Variants in SULT1A1 observed in about 807,000 individuals in gnomAD.
The protein encoded by SULT1A1 is sulfotransferase 1A1.
Under a neutral mutation model 36.8 loss-of-function variants are expected in SULT1A1, and 35 were observed. That is an observed-to-expected ratio of 0.95 (90% CI 0.73 to 1.26). The LOEUF (loss-of-function observed/expected upper bound fraction) is 1.26, where lower values mean the gene tolerates loss of function less well. SULT1A1 is among the 50% of genes most tolerant of loss of function. The pLI, the probability that SULT1A1 is intolerant of heterozygous loss-of-function variation, is 0.00. For synonymous variants in SULT1A1, 119 were observed against 146.0 expected (o/e 0.82, Z 1.33); for missense variants, 309 against 383.0 (o/e 0.81, Z 1.61).
intron 1 of SULT1A1, chr16:28,609,102 C>G (rs41278148): frequency 1.0e-5 from 15 of 1,436,076 alleles, no homozygotes; most frequent in Admixed American, 2.6e-5. Flanking sequence ...AGGGCCTGGG[C>G]CATGGTGCAG....
In SULT1A1 at chr16:28,605,668, CT is replaced by C; in HGVS notation, c.*152del. The stretch of plus-strand genomic sequence containing the variant: ...TGTTGCCCAGGTTGGTCTCGAACTC[CT>C]GGGCTCAAATGATCCTCCCACCTCA... On this transcript the variant is annotated 3_prime_UTR_variant, in exon 8 of 8. Transcript: ENST00000314752. The C allele has an allele frequency of 7.3e-7, 1 of 1,363,392 alleles. No homozygotes were observed. The highest frequency in any genetic ancestry group is 1.3e-5 in the South Asian group (1 of 79,632). The allele number at this position is 1,363,392 out of a possible 1,614,324, so 84.5% of individuals were successfully genotyped here. A position where few individuals can be genotyped will look rare whatever the true frequency, so the allele number is the denominator to read the frequency against.
In SULT1A1 at chr16:28,606,817, A is replaced by G; in HGVS notation, c.538T>C (p.Trp180Arg). 6.2e-7 allele frequency: 1 copy of G among 1,612,432 alleles called. No individual in the cohort carries two copies. Among genetic ancestry groups the G allele is most frequent in the South Asian group, 1.1e-5 (1 of 91,020 alleles). The change falls in exon 6 of 8, where the codon TGG becomes CGG. Residue 180 changes from tryptophan to arginine, a missense_variant. Trp to Arg is a moderately radical substitution (Grantham distance 101, BLOSUM62 -3). This residue lies in a region of SULT1A1 where 219 missense variants were observed against 215.3 expected (regional missense o/e 1.02). Coordinates refer to ENST00000314752, the MANE Select transcript of SULT1A1 (RefSeq NM_001055.4). ...ACAGGGTGGGTGCGGCTCAGCTCCC[A>G]CCACTCCTGCACGTGCTGGTACCAG... ...GSWYQHVQEW[W>R]ELSRTHPVLY... is the part of the protein sequence containing the mutation.
intron 4 of SULT1A1, 66 bp from the exon 5 acceptor site, chr16:28,607,143 C>G: frequency 6.3e-7 from 1 of 1,598,390 alleles, no homozygotes; most frequent in Non-Finnish European, 8.5e-7. Context: ...CAGCTCATCT[C>G]TTGGATTGGC....
At chr16:28,623,373 C>A (rs1316667457) in exon 1 of SULT1A1, 1 of 1,480,522 alleles carries the variant, frequency 6.8e-7, no homozygotes, top group African/African-American at 1.4e-5. Flanking sequence ...CGAGCTACGG[C>A]ACGCTCGTAG....
intron 2 of SULT1A1, among the ~76,000 whole-genome samples, chr16:28,618,331 T>C (rs1323490386): frequency 7.1e-6 from 1 of 140,178 alleles, no homozygotes; most frequent in Non-Finnish European, 1.5e-5. Context: ...AGCCGGCTAC[T>C]TCCCGCTCTT....
chr16:28,610,598 C>CAT, upstream of SULT1A1: 1 of 202,156 alleles, frequency 4.9e-6, no homozygotes, highest in Non-Finnish European at 1.0e-5. Context: ...AGCATGGATG[C>CAT]ATAGAACAAG....
intron 2 of SULT1A1, among the ~76,000 whole-genome samples, chr16:28,618,978 C>A (rs2047599579): frequency 6.6e-6 from 1 of 152,120 alleles, no homozygotes. Flanking sequence ...AGTCAGAAAT[C>A]ATTGAGAACA....
chr16:28,606,189 G>A lies in SULT1A1; in HGVS notation c.642C>T (p.Ser214=). Residue 214 remains serine, a synonymous_variant, in exon 7 of 8, where the codon TCC becomes TCT. Coordinates refer to ENST00000314752, the MANE Select transcript of SULT1A1 (RefSeq NM_001055.4). ...IQKILEFVGR[S]LPEETVDFVV... Reference sequence around the variant, plus strand: ...CGAAGTCCACGGTCTCCTCTGGCAGGGAGCGCCCCACAAACTCCAGGATCT... The same window carrying A: ...CGAAGTCCACGGTCTCCTCTGGCAGAGAGCGCCCCACAAACTCCAGGATCT... 6.2e-7 allele frequency: 1 copy of A among 1,611,814 alleles called. No individual in the cohort carries two copies. Among genetic ancestry groups the A allele is most frequent in the East Asian group, 2.2e-5 (1 of 44,866 alleles).
intron 1 of SULT1A1, chr16:28,623,111 T>TGC (rs2047689055): frequency 1.3e-6 from 1 of 799,498 alleles, no homozygotes; most frequent in African/African-American, 2.5e-5. Flanking sequence ...ACCCCCCAGG[T>TGC]TCCCCCCCCG....
chr16:28,621,179 A>C (rs1445721184), intron 1 of SULT1A1, among the ~76,000 whole-genome samples: 1 of 151,828 alleles, frequency 6.6e-6, no homozygotes, highest in Non-Finnish European at 1.5e-5. Context: ...CTCATTTGTA[A>C]CATGAGAGTA....
chr16:28,610,500 C>A (rs1444192912), upstream of SULT1A1: 3 of 317,282 alleles, frequency 9.5e-6, no homozygotes, highest in Admixed American at 4.8e-5. Flanking sequence ...CCCACAGGCC[C>A]CCAGCAGCCC....
chr16:28,619,997 G>GTGTGTA (rs527921219), intron 2 of SULT1A1: 8 of 1,352,296 alleles, frequency 5.9e-6, no homozygotes, highest in Non-Finnish European at 8.4e-6. Context: ...TGTATATTGT[G>GTGTGTA]TGTGTGTGTG....
At chr16:28,617,480 G>A (rs2047567693) in intron 2 of SULT1A1, among the ~76,000 whole-genome samples, 1 of 151,836 alleles carries the variant, frequency 6.6e-6, no homozygotes, top group Non-Finnish European at 1.5e-5. Context: ...TGTTTTATAT[G>A]GTTTTTTGGG....
intron 1 of SULT1A1, chr16:28,623,110 GTTC>G: frequency 6.6e-6 from 10 of 1,511,706 alleles, no homozygotes; most frequent in South Asian, 1.2e-5. Flanking sequence ...CACCCCCCAG[GTTC>G]CCCCCCCGGC....
At chr16:28,609,888 A>T (rs2047378760) in intron 1 of SULT1A1, 43 bp downstream of exon 1, 1 of 1,258,368 alleles carries the variant, frequency 7.9e-7, no homozygotes, top group Non-Finnish European at 1.0e-6. Context: ...CCACAAGCTG[A>T]GCAGGGTGAG....
rs769981766 is a variant in SULT1A1 at position 28,608,267 on chromosome 16, G to A, written c.372+24C>T. The stretch of plus-strand genomic sequence containing the variant: ...CTCCCAAAGTGCTGGGATTATGGAT[G>A]TGAAACACTGTGCCCTGCCTCACCT... On this transcript the variant is annotated intron_variant, in intron 4 of 7. Transcript: ENST00000314752. The A allele has an allele frequency of 5.6e-6, 9 of 1,611,048 alleles. No individual in the cohort carries two copies. In the South Asian group the frequency reaches 7.7e-5, roughly 14 times the overall value.
At chr16:28,610,256 TTTTTTCTG>T, upstream of SULT1A1, 1 of 1,138,830 alleles carries the variant, frequency 8.8e-7, no homozygotes, top group Non-Finnish European at 1.1e-6. Flanking sequence ...TGTAGGTTTT[TTTTTTCTG>T]TTTTTTTTTT....
chr16:28,622,959 C>G (rs2047684689), intron 1 of SULT1A1, among the ~76,000 whole-genome samples: 1 of 152,110 alleles, frequency 6.6e-6, no homozygotes, highest in Non-Finnish European at 1.5e-5. Context: ...AGCCTCCAGC[C>G]TTTGCCCTGG....
At chr16:28,609,540 GT>G in intron 1 of SULT1A1, 1 of 574,318 alleles carries the variant, frequency 1.7e-6, no homozygotes, top group Non-Finnish European at 2.8e-6. Context: ...GAGGCCAGGA[GT>G]TGGAGACCAA....
Sources: allele counts gnomAD v4.1 joint callset (sites outside exome capture counted in the v4.1 genomes callset), GRCh38; gene constraint gnomAD v4.1.1; regional missense constraint gnomAD v4.1.1; transcripts MANE v1.5; gene names NCBI Gene and HGNC (gene_info 2026-07-23, HGNC 2026-07-21).